The following GRIK4 variants were observed in gnomAD, a reference collection of about 807,000 sequenced individuals.
GRIK4 encodes glutamate ionotropic receptor kainate type subunit 4.
GRIK4 carries 40 observed loss-of-function variants against 104.9 expected under a neutral mutation model. The ratio of observed to expected loss-of-function variants is 0.38; its 90% CI spans 0.30 to 0.50. The LOEUF is 0.50. Ranked by LOEUF, GRIK4 falls within the 20% of genes least tolerant of loss-of-function variation. GRIK4 has a pLI of 0.93. For missense variants in GRIK4, 1,047 were observed against 1,308.1 expected, an observed-to-expected ratio of 0.80 and a Z score of 3.08; for synonymous variants, 485 against 524.9, an observed-to-expected ratio of 0.92 and a Z score of 1.04.
At chr11:120,643,618 A>AC (rs1949500082) in intron 1 of GRIK4, among the ~76,000 whole-genome samples, 1 of 152,228 alleles carries the variant, frequency 6.6e-6, no homozygotes, top group Non-Finnish European at 1.5e-5. Flanking sequence ...ACTAAGTCTG[A>AC]CAATACTGTT....
At chr11:120,870,271 A>T (rs1954566154) in intron 9 of GRIK4, 1 of 152,248 alleles carries the variant, frequency 6.6e-6, no homozygotes, top group Non-Finnish European at 1.5e-5. Flanking sequence ...AAGGATACCT[A>T]AATCAAATGG....
intron 3 of GRIK4, among the ~76,000 whole-genome samples, chr11:120,681,724 G>A (rs531534063): frequency 5.3e-5 from 8 of 152,338 alleles, no homozygotes; most frequent in African/African-American, 1.9e-4. Flanking sequence ...GTCACAGGCA[G>A]CCCAGCAACC....
In GRIK4 at chr11:120,902,883, G is replaced by C. The variant is rs955498533; in HGVS notation, c.1273-2407G>C. Among the ~76,000 whole-genome samples, 1 of 152,124 alleles carries C rather than the reference G, an allele frequency of 6.6e-6. No homozygotes were observed. The highest frequency in any genetic ancestry group is 2.4e-5 in the African/African-American group (1 of 41,402). ...GGCGTGTGTGGAAGGCAGGCTGACC[G>C]TTCCTATCTCATTGACGTGACAGTG... On this transcript the variant is annotated intron_variant, in intron 12 of 20. Transcript: ENST00000527524. The surrounding 1 kb of genome is among the most constrained non-coding windows in gnomAD (Gnocchi z 4.5).
At chr11:120,800,054 A>G (rs1174437020) in intron 3 of GRIK4, among the ~76,000 whole-genome samples, 1 of 148,870 alleles carries the variant, frequency 6.7e-6, no homozygotes, top group East Asian at 2.0e-4. Flanking sequence ...AGGTTTCTCC[A>G]TATTGGTCAG....
chr11:120,702,142 G>C (rs975964849), intron 3 of GRIK4, among the ~76,000 whole-genome samples: 4 of 152,104 alleles, frequency 2.6e-5, no homozygotes, highest in Non-Finnish European at 5.9e-5. Flanking sequence ...TTTTAGTAGA[G>C]ATGGGGTTTC....
intron 2 of GRIK4, among the ~76,000 whole-genome samples, chr11:120,654,152 A>C (rs1032603521): frequency 5.3e-5 from 8 of 152,202 alleles, no homozygotes; most frequent in Non-Finnish European, 1.0e-4. Context: ...TGCTGAATTC[A>C]ACTGTAGTCA....
intron 3 of GRIK4, among the ~76,000 whole-genome samples, chr11:120,720,823 A>G (rs1272396326): frequency 6.6e-6 from 1 of 152,116 alleles, no homozygotes; most frequent in Non-Finnish European, 1.5e-5. Context: ...TTGAGAAATC[A>G]TTGCTCTGTC....
rs116817542 is a variant in GRIK4 at position 120,706,771 on chromosome 11, A to G, written c.82+46371A>G. Among the ~76,000 whole-genome samples the G allele has an allele frequency of 1.7e-3, 260 of 152,306 alleles. 1 individual carries two copies. Among genetic ancestry groups the G allele is most frequent in the African/African-American group, 6.1e-3 (252 of 41,570 alleles). ...GACCAAGCTGTGAGTAGGGATGGCA[A>G]CTGGTTCTCACCCCCTCTGTAGCTG... On this transcript the variant is annotated intron_variant, in intron 3 of 20. Transcript: ENST00000527524.
At chr11:120,954,025 C>T (rs915832157) in intron 15 of GRIK4, among the ~76,000 whole-genome samples, 1 of 152,272 alleles carries the variant, frequency 6.6e-6, no homozygotes, top group South Asian at 2.1e-4. Context: ...GTGCACATCC[C>T]ATCTCTGTGG....
intron 3 of GRIK4, among the ~76,000 whole-genome samples, chr11:120,778,025 G>A (rs1952077520): frequency 6.6e-6 from 1 of 152,130 alleles, no homozygotes; most frequent in Non-Finnish European, 1.5e-5. Context: ...CTTTACTCAG[G>A]GAAGGCCTTG....
intron 1 of GRIK4, among the ~76,000 whole-genome samples, chr11:120,606,267 C>T (rs1053053262): frequency 2.6e-5 from 4 of 152,184 alleles, no homozygotes; most frequent in African/African-American, 9.7e-5. Context: ...AATCCCCTCC[C>T]CACGCCCCTC....
At chr11:120,652,106 A>G (rs1344029998) in intron 1 of GRIK4, among the ~76,000 whole-genome samples, 1 of 152,172 alleles carries the variant, frequency 6.6e-6, no homozygotes. Context: ...GGAGGATGGC[A>G]GTTAGGATGG....
chr11:120,524,545 C>T lies in GRIK4; in HGVS notation c.-159+12658C>T, dbSNP rs184241885. 7.2e-5 allele frequency among the ~76,000 whole-genome samples: 11 copies of T among 152,300 alleles called. No homozygotes were observed. In the South Asian group the frequency reaches 1.2e-3, roughly 17 times the overall value. ...ACCAGGCCTACCTGGACCTTGGCTC[C>T]AGGCACTTTACCCCCTCCTCGAACC... On this transcript the variant is annotated intron_variant, in intron 1 of 20. Transcript: ENST00000527524. The surrounding 1 kb of genome is among the most constrained non-coding windows in gnomAD (Gnocchi z 4.5).
chr11:120,872,514 G>T (rs1356109113), intron 9 of GRIK4: 2 of 152,628 alleles, frequency 1.3e-5, no homozygotes, highest in Admixed American at 1.3e-4. Flanking sequence ...AGGGTCTCAT[G>T]TGGGACCCTC....
At chr11:120,656,746 T>A (rs1192967706) in intron 2 of GRIK4, among the ~76,000 whole-genome samples, 2 of 152,144 alleles carry the variant, frequency 1.3e-5, no homozygotes, top group Non-Finnish European at 2.9e-5. Flanking sequence ...CCCAGCTACC[T>A]GGGAGGCTGA....
chr11:120,948,055 A>T (rs1943906028), intron 14 of GRIK4, among the ~76,000 whole-genome samples: 1 of 152,214 alleles, frequency 6.6e-6, no homozygotes, highest in South Asian at 2.1e-4. Flanking sequence ...CTAAACCAAA[A>T]TATCAGCAGA....
At chr11:120,521,354 G>A (rs968029181) in intron 1 of GRIK4, among the ~76,000 whole-genome samples, 1 of 152,108 alleles carries the variant, frequency 6.6e-6, no homozygotes, top group African/African-American at 2.4e-5. Context: ...TTACAGGTGT[G>A]CGCCACCACG....
chr11:120,656,333 T>G (rs550554462), intron 2 of GRIK4, among the ~76,000 whole-genome samples: 127 of 152,348 alleles, frequency 8.3e-4, no homozygotes, highest in Non-Finnish European at 1.4e-3. Flanking sequence ...CAGCTAGTCA[T>G]GTATCTTTTC....
rs1019654213 is a variant in GRIK4, at chr11:120,524,838, A to T, written c.-159+12951A>T. On this transcript the variant is annotated intron_variant, in intron 1 of 20. Coordinates refer to ENST00000527524, the MANE Select transcript of GRIK4 (RefSeq NM_014619.5). This position sits in a 1 kb window ranked among gnomAD's most constrained non-coding sequence, Gnocchi z 4.5. ...GTGGCAGGGCACTGGGCAGGTCAGG[A>T]TTGGGTACTGTGGTGGCAGAGAGCC... 6.6e-6 allele frequency among the ~76,000 whole-genome samples: 1 copy of T among 152,070 alleles called. No individual in the cohort carries two copies. The highest frequency in any genetic ancestry group is 6.5e-5 in the Admixed American group (1 of 15,276).
Sources: gnomAD v4.1 joint callset for allele counts (sites outside exome capture counted in the v4.1 genomes callset) on GRCh38, gnomAD v4.1.1 for gene constraint, Gnocchi (gnomAD v3.1) non-coding constraint, MANE v1.5 for transcripts, NCBI Gene and HGNC (gene_info 2026-07-23, HGNC 2026-07-21) for gene names.